PROM1: variants seen among roughly 807,000 people sequenced by gnomAD.
PROM1 encodes prominin-1.
A neutral mutation model predicts 116.9 loss-of-function variants in PROM1; 105 were observed. The ratio of observed to expected loss-of-function variants is 0.90; its 90% CI spans 0.77 to 1.06. The LOEUF (loss-of-function observed/expected upper bound fraction) is 1.06, where lower values mean the gene tolerates loss of function less well. Among genes scored for constraint, PROM1 ranks in the 50% least tolerant of loss-of-function variants. The pLI is 0.00. For synonymous variants in PROM1, 393 were observed against 387.0 expected, an observed-to-expected ratio of 1.02 and a Z score of -0.18; for missense variants, 1,122 against 1,045.2, an observed-to-expected ratio of 1.07 and a Z score of -1.01.
intron 3 of PROM1, among the ~76,000 whole-genome samples, chr4:16,036,022 T>C (rs1733864351): frequency 6.6e-6 from 1 of 152,234 alleles, no homozygotes; most frequent in Admixed American, 6.5e-5. Flanking sequence ...TTAATCCGTA[T>C]GCTAATCGGT....
intron 22 of PROM1, 183 bp downstream of exon 22, chr4:15,985,577 A>C (rs1719156298): frequency 8.2e-6 from 5 of 608,586 alleles, no homozygotes; most frequent in South Asian, 5.9e-5. Context: ...GGGGACCAGG[A>C]GGTGGCTGTC....
intron 17 of PROM1, among the ~76,000 whole-genome samples, chr4:15,991,513 C>T (rs1720977325): frequency 6.6e-6 from 1 of 151,654 alleles, no homozygotes; most frequent in Non-Finnish European, 1.5e-5. Flanking sequence ...GAATGAAGTG[C>T]TGATAATGTT....
At chr4:16,009,934 C>CAAAAAAAAAAAA (rs4065768) in intron 11 of PROM1, among the ~76,000 whole-genome samples, 1 of 75,442 alleles carries the variant, frequency 1.3e-5, no homozygotes. Context: ...GACTCGCTCT[C>CAAAAAAAAAAAA]AAAAAAAAAA....
chr4:16,019,693 T>C (rs1729325138), intron 8 of PROM1, among the ~76,000 whole-genome samples: 1 of 152,188 alleles, frequency 6.6e-6, no homozygotes, highest in Non-Finnish European at 1.5e-5. Context: ...AGGGCTTTGC[T>C]CTTCTTCTAA....
chr4:16,010,387 A>T (rs967543501), intron 11 of PROM1, among the ~76,000 whole-genome samples: 3 of 152,240 alleles, frequency 2.0e-5, no homozygotes, highest in African/African-American at 7.2e-5. Context: ...TCTTTGCAGC[A>T]GCAGAGAGAC....
At chr4:16,028,710 C>G (rs1731981748) in intron 5 of PROM1, among the ~76,000 whole-genome samples, 2 of 151,962 alleles carry the variant, frequency 1.3e-5, no homozygotes, top group African/African-American at 2.4e-5. Context: ...ACAATGATAC[C>G]AAGAGACATT....
At chr4:16,073,947 A>G (rs959961830) in intron 2 of PROM1, among the ~76,000 whole-genome samples, 1 of 152,224 alleles carries the variant, frequency 6.6e-6, no homozygotes, top group African/African-American at 2.4e-5. Context: ...CAACATATGG[A>G]AAGAGATTAT....
intron 11 of PROM1, among the ~76,000 whole-genome samples, chr4:16,010,194 G>GT (rs1278096980): frequency 6.6e-6 from 1 of 152,150 alleles, no homozygotes. Context: ...AAGAAAACCA[G>GT]TTTTCTGGAG....
chr4:16,024,713 A>ATGTGTG (rs896154929), intron 6 of PROM1, among the ~76,000 whole-genome samples: 1 of 150,994 alleles, frequency 6.6e-6, no homozygotes, highest in Admixed American at 6.6e-5. Flanking sequence ...GTGTGTGTGT[A>ATGTGTG]TGTGTGTGTG....
intron 2 of PROM1, among the ~76,000 whole-genome samples, 159 bp downstream of exon 2, chr4:16,075,528 T>A (rs1743764269): frequency 6.6e-6 from 1 of 152,232 alleles, no homozygotes; most frequent in East Asian, 1.9e-4. Flanking sequence ...TGTAACCTGG[T>A]ACAAGTCTTC....
intron 2 of PROM1, among the ~76,000 whole-genome samples, chr4:16,046,781 T>C (rs1489414268): frequency 6.6e-6 from 1 of 152,230 alleles, no homozygotes; most frequent in Non-Finnish European, 1.5e-5. Context: ...TCACACTGTC[T>C]ACACAGAGTG....
chr4:16,013,380 C>G (rs559503952), intron 10 of PROM1, 42 bp from the exon 11 acceptor site: 9 of 1,439,010 alleles, frequency 6.3e-6, no homozygotes, highest in South Asian at 2.3e-5. Context: ...ACAGTTAAGT[C>G]AAAGACTAGT....
chr4:16,060,333 A>C (rs565769810), intron 2 of PROM1, among the ~76,000 whole-genome samples: 1 of 150,020 alleles, frequency 6.7e-6, no homozygotes, highest in South Asian at 2.1e-4. Flanking sequence ...CCTTTGGGAC[A>C]GGGTCTTACT....
intron 27 of PROM1, among the ~76,000 whole-genome samples, chr4:15,969,647 C>T (rs1304255813): frequency 2.0e-5 from 3 of 152,014 alleles, no homozygotes; most frequent in African/African-American, 2.4e-5. Flanking sequence ...AGTGCAATGG[C>T]GCGATCTCAG....
intron 19 of PROM1, among the ~76,000 whole-genome samples, chr4:15,987,962 C>T (rs960176922): frequency 6.6e-5 from 10 of 151,388 alleles, no homozygotes; most frequent in Admixed American, 1.3e-4. Context: ...CTGCAAGCTC[C>T]GCCTCCTGGG....
At chr4:15,985,122 C>T (rs1266070612) in intron 22 of PROM1, among the ~76,000 whole-genome samples, 1 of 152,138 alleles carries the variant, frequency 6.6e-6, no homozygotes, top group Non-Finnish European at 1.5e-5. Flanking sequence ...CTTTACTGAA[C>T]ATGTACAGAC....
intron 2 of PROM1, among the ~76,000 whole-genome samples, chr4:16,052,788 A>C (rs566225636): frequency 6.6e-6 from 1 of 152,298 alleles, no homozygotes; most frequent in African/African-American, 2.4e-5. Context: ...GCGGTAAGTG[A>C]TTTATTAAGG....
intron 23 of PROM1, among the ~76,000 whole-genome samples, chr4:15,981,178 G>A (rs1053829149): frequency 2.0e-5 from 3 of 150,622 alleles, no homozygotes; most frequent in African/African-American, 4.8e-5. Context: ...AGCCAGGATG[G>A]TCTGGATCCC....
intron 26 of PROM1, among the ~76,000 whole-genome samples, chr4:15,978,783 C>T (rs1198475030): frequency 2.0e-5 from 3 of 152,198 alleles, no homozygotes; most frequent in Non-Finnish European, 4.4e-5. Flanking sequence ...AGATAGGTCC[C>T]TGGCTGACGT....
Sources: allele counts gnomAD v4.1 joint callset (sites outside exome capture counted in the v4.1 genomes callset), GRCh38; gene constraint gnomAD v4.1.1; transcripts MANE v1.5; gene names NCBI Gene and HGNC (gene_info 2026-07-23, HGNC 2026-07-21).